RANBP2: variants seen among roughly 807,000 people sequenced by gnomAD.
The protein encoded by RANBP2 is RAN binding protein 2.
RANBP2 carries 57 observed loss-of-function variants against 303.6 expected under a neutral mutation model. That is an observed-to-expected ratio of 0.19 (90% CI 0.15 to 0.23). RANBP2 has a LOEUF of 0.23. Ranked by LOEUF, RANBP2 falls within the 10% of genes least tolerant of loss-of-function variation. The pLI is 1.00. For synonymous variants in RANBP2, 1,167 were observed against 1,301.5 expected (o/e 0.90, Z 2.23); for missense variants, 3,138 against 3,780.8 (o/e 0.83, Z 4.46).
At chr2:109,687,190 C>G in the RANBP2 span, among the ~76,000 whole-genome samples, 1 of 152,138 alleles carries the variant, frequency 6.6e-6, no homozygotes, top group Non-Finnish European at 1.5e-5. Flanking sequence ...TGTGCCTTGC[C>G]CGCCACTTGT....
At chr2:108,926,458 T>G in the RANBP2 span, among the ~76,000 whole-genome samples, 1 of 152,196 alleles carries the variant, frequency 6.6e-6, no homozygotes, top group African/African-American at 2.4e-5. Context: ...AGGACTCTCA[T>G]GCCTGTAAGG....
the RANBP2 span, among the ~76,000 whole-genome samples, chr2:109,280,588 T>C: frequency 6.6e-6 from 1 of 152,208 alleles, no homozygotes; most frequent in Non-Finnish European, 1.5e-5. Flanking sequence ...TTAAAAACCC[T>C]GTGTAAGTAG....
At chr2:109,625,472 G>A in the RANBP2 span, among the ~76,000 whole-genome samples, 1 of 146,830 alleles carries the variant, frequency 6.8e-6, no homozygotes, top group African/African-American at 2.5e-5. Context: ...GGCTAAGATG[G>A]TGAAACCCCG....
At chr2:108,729,628 C>G (rs569850499) in intron 2 of RANBP2, among the ~76,000 whole-genome samples, 20 of 151,850 alleles carry the variant, frequency 1.3e-4, no homozygotes, top group Admixed American at 5.3e-4. Flanking sequence ...ATGTGATGCT[C>G]TAAGGCTCTA....
the RANBP2 span, among the ~76,000 whole-genome samples, chr2:109,637,106 A>G: frequency 6.6e-6 from 1 of 152,214 alleles, no homozygotes; most frequent in Non-Finnish European, 1.5e-5. Context: ...ACATGTGAGC[A>G]ATAGAATCTA....
chr2:109,317,502 C>T, the RANBP2 span, among the ~76,000 whole-genome samples: 1 of 152,138 alleles, frequency 6.6e-6, no homozygotes, highest in African/African-American at 2.4e-5. Context: ...GCTCTGGCAG[C>T]AGCCCCGTTC....
the RANBP2 span, among the ~76,000 whole-genome samples, chr2:109,168,108 T>C: frequency 2.0e-5 from 3 of 152,252 alleles, no homozygotes; most frequent in Non-Finnish European, 4.4e-5. Flanking sequence ...AGGGCTTTTA[T>C]GATGCGTTGA....
chr2:109,405,771 A>G, the RANBP2 span, among the ~76,000 whole-genome samples: 2 of 152,184 alleles, frequency 1.3e-5, no homozygotes, highest in African/African-American at 2.4e-5. Context: ...CAGTGTGCCC[A>G]TGATGGAATA....
chr2:109,565,894 A>G, the RANBP2 span: 7 of 1,475,254 alleles, frequency 4.7e-6, no homozygotes, highest in Non-Finnish European at 6.6e-6. Context: ...TTCTCATACC[A>G]CTGTGATAAC....
the RANBP2 span, among the ~76,000 whole-genome samples, chr2:109,694,105 G>A: frequency 0.27 from 40,499 of 152,072 alleles, 6,631 homozygotes; most frequent in Non-Finnish European, 0.36. Context: ...ATGTTGAATT[G>A]TAATCCCCAA....
chr2:109,009,704 TTTTTTTG>T, the RANBP2 span, among the ~76,000 whole-genome samples: 156 of 135,450 alleles, frequency 1.2e-3, 6 homozygotes, highest in African/African-American at 2.5e-3. Context: ...ATTTTTACCT[TTTTTTTG>T]TTTTTTTTTT....
chr2:109,330,578 A>G, the RANBP2 span, among the ~76,000 whole-genome samples: 7 of 152,108 alleles, frequency 4.6e-5, no homozygotes, highest in Admixed American at 4.6e-4. Context: ...CACTGTTTGC[A>G]TGGGTGGATG....
chr2:109,018,098 C>A, the RANBP2 span, among the ~76,000 whole-genome samples: 2 of 152,330 alleles, frequency 1.3e-5, no homozygotes, highest in South Asian at 4.1e-4. Context: ...TTCTTAAAAT[C>A]AGACCATTAC....
At chr2:109,045,832 G>A in the RANBP2 span, among the ~76,000 whole-genome samples, 1 of 152,064 alleles carries the variant, frequency 6.6e-6, no homozygotes, top group African/African-American at 2.4e-5. Context: ...CACCTGAAAG[G>A]GACTTTTCCA....
the RANBP2 span, among the ~76,000 whole-genome samples, chr2:109,328,401 A>C: frequency 6.6e-6 from 1 of 152,082 alleles, no homozygotes; most frequent in African/African-American, 2.4e-5. Flanking sequence ...CCCACCCTTG[A>C]CTATGTGGGC....
chr2:108,891,646 C>T, the RANBP2 span, among the ~76,000 whole-genome samples: 32 of 152,296 alleles, frequency 2.1e-4, no homozygotes, highest in African/African-American at 7.7e-4. Context: ...ATTTCTGGGC[C>T]TCCAGGTGGC....
chr2:109,761,349 C>T, the RANBP2 span, among the ~76,000 whole-genome samples: 1 of 151,370 alleles, frequency 6.6e-6, no homozygotes, highest in Non-Finnish European at 1.5e-5. Flanking sequence ...ATTCCAGAGG[C>T]CTTAGCCCAG....
chr2:109,518,461 G>A, the RANBP2 span, among the ~76,000 whole-genome samples: 4 of 152,218 alleles, frequency 2.6e-5, no homozygotes, highest in Non-Finnish European at 4.4e-5. Context: ...TTAACTCAGT[G>A]TCTGCAGACC....
At chr2:109,349,584 G>C in the RANBP2 span, among the ~76,000 whole-genome samples, 1 of 152,196 alleles carries the variant, frequency 6.6e-6, no homozygotes, top group South Asian at 2.1e-4. Flanking sequence ...AACTCTCAGG[G>C]TCCGGTCAGG....
Sources: allele counts gnomAD v4.1 joint callset (sites outside exome capture counted in the v4.1 genomes callset), GRCh38; gene constraint gnomAD v4.1.1; transcripts MANE v1.5; gene names NCBI Gene and HGNC (gene_info 2026-07-23, HGNC 2026-07-21).